Variants in MBD3L1 observed in about 807,000 individuals in gnomAD.
The protein encoded by MBD3L1 is methyl-CpG binding domain protein 3 like 1.
For missense variants in MBD3L1, 203 were observed against 230.1 expected (o/e 0.88, Z 0.76); for synonymous variants, 84 against 85.1 (o/e 0.99, Z 0.07).
At chr19:8,838,011 G>T (rs577921175) in intron 1 of MBD3L1, among the ~76,000 whole-genome samples, 5 of 151,946 alleles carry the variant, frequency 3.3e-5, no homozygotes, top group African/African-American at 4.8e-5. Context: ...CACTTTGGGA[G>T]GCCGAGGCGG....
intron 1 of MBD3L1, among the ~76,000 whole-genome samples, chr19:8,840,444 C>CA (rs1267617249): frequency 6.6e-6 from 1 of 152,036 alleles, no homozygotes; most frequent in Non-Finnish European, 1.5e-5. Context: ...GCTGGGACCT[C>CA]AGACATGTAT....
chr19:8,835,796 G>A (rs879601055), intron 1 of MBD3L1, among the ~76,000 whole-genome samples: 2 of 152,126 alleles, frequency 1.3e-5, no homozygotes, highest in Admixed American at 1.3e-4. Flanking sequence ...ACTGATGAAT[G>A]GATAAATAAA....
At chr19:8,835,731 C>A (rs964511178) in intron 1 of MBD3L1, among the ~76,000 whole-genome samples, 1 of 152,162 alleles carries the variant, frequency 6.6e-6, no homozygotes, top group African/African-American at 2.4e-5. Context: ...CATGAATGTT[C>A]ATAGCAGCAT....
intron 1 of MBD3L1, among the ~76,000 whole-genome samples, chr19:8,836,637 G>A (rs975450349): frequency 1.3e-5 from 2 of 151,958 alleles, no homozygotes; most frequent in African/African-American, 2.4e-5. Context: ...GACTGCAGGC[G>A]TGCACCACCA....
At chr19:8,839,054 T>C (rs141333638) in intron 1 of MBD3L1, among the ~76,000 whole-genome samples, 1 of 152,262 alleles carries the variant, frequency 6.6e-6, no homozygotes, top group African/African-American at 2.4e-5. Flanking sequence ...TTTTAAATGA[T>C]TTTTGTTTTT....
intron 1 of MBD3L1, chr19:8,833,363 C>T (rs2044408794): frequency 6.6e-6 from 1 of 152,160 alleles, no homozygotes; most frequent in African/African-American, 2.4e-5. Flanking sequence ...TATAGGAAAA[C>T]TTAAGAATGG....
Position 8,843,281 on chromosome 19 carries a change from G to A in MBD3L1, c.*18G>A, listed in dbSNP as rs2044532341. 1.3e-6 allele frequency: 2 copies of A among 1,511,544 alleles called. No homozygotes were observed. Among genetic ancestry groups the A allele is most frequent in the African/African-American group, 1.4e-5 (1 of 72,270 alleles). 93.6% of individuals were successfully genotyped at this position (1,511,544 alleles called of 1,614,324 possible). ...AACGCTAAGAAAAAAAGGGAAGATA[G>A]TGCAGATGAAATAAAGTGTAATCCT... On this transcript the variant is annotated 3_prime_UTR_variant, in exon 3 of 3. Coordinates refer to ENST00000595891, the MANE Select transcript of MBD3L1 (RefSeq NM_001393532.1).
intron 1 of MBD3L1, among the ~76,000 whole-genome samples, chr19:8,838,896 C>G (rs2145350123): frequency 6.6e-6 from 1 of 152,228 alleles, no homozygotes; most frequent in Admixed American, 6.5e-5. Flanking sequence ...GTTCCTGGGA[C>G]TATGTGCAGA....
At chr19:8,836,621 A>G (rs963303880) in intron 1 of MBD3L1, among the ~76,000 whole-genome samples, 2 of 151,972 alleles carry the variant, frequency 1.3e-5, no homozygotes, top group Non-Finnish European at 2.9e-5. Flanking sequence ...CTTCCCGAGT[A>G]GCTGGGACTG....
Position 8,832,416 on chromosome 19 carries a change from A to C in MBD3L1, c.-213A>C, listed in dbSNP as rs1285834054. ...GTTGGGGGTTCGGCGCTTAGGCGACAGGCGCGGCGGGCGGGAGCGGCGGCC... is the reference window on the plus strand; with the variant it reads ...GTTGGGGGTTCGGCGCTTAGGCGACCGGCGCGGCGGGCGGGAGCGGCGGCC... On this transcript the variant is annotated 5_prime_UTR_variant, in exon 1 of 3. Transcript: ENST00000595891. 1.3e-5 allele frequency: 2 copies of C among 152,988 alleles called. No homozygotes were observed. Among genetic ancestry groups the C allele is most frequent in the Non-Finnish European group, 2.9e-5 (2 of 68,628 alleles). 9.5% of individuals were successfully genotyped at this position (152,988 alleles called of 1,614,324 possible). A position where few individuals can be genotyped will look rare whatever the true frequency, so the allele number is the denominator to read the frequency against.
intron 1 of MBD3L1, among the ~76,000 whole-genome samples, chr19:8,835,048 G>GTTTTTTTTTTT (rs777643019): frequency 7.0e-6 from 1 of 142,220 alleles, no homozygotes. Flanking sequence ...TGAACAAAGA[G>GTTTTTTTTTTT]TTTTTTTTTT....
At chr19:8,840,723 ATATC>A (rs1343808446) in intron 1 of MBD3L1, among the ~76,000 whole-genome samples, 188 bp from the exon 2 acceptor site, 2 of 152,258 alleles carry the variant, frequency 1.3e-5, no homozygotes, top group Non-Finnish European at 2.9e-5. Context: ...GGAGAATTAA[ATATC>A]TATGAGGAAA....
At chr19:8,840,880 T>G (rs1407808372) in intron 1 of MBD3L1, 35 bp from the exon 2 acceptor site, 1 of 152,190 alleles carries the variant, frequency 6.6e-6, no homozygotes, top group Non-Finnish European at 1.5e-5. Context: ...ATAGTGGCAC[T>G]AAGACGTCAT....
At chr19:8,832,940 C>G (rs898452091) in intron 1 of MBD3L1, 1 of 146,426 alleles carries the variant, frequency 6.8e-6, no homozygotes, top group African/African-American at 2.6e-5. Flanking sequence ...TGGTGATTGG[C>G]AGAGAGCAGT....
At chr19:8,837,300 G>A (rs905126567) in intron 1 of MBD3L1, among the ~76,000 whole-genome samples, 2 of 152,178 alleles carry the variant, frequency 1.3e-5, no homozygotes, top group African/African-American at 4.8e-5. Flanking sequence ...TATTTAATAT[G>A]ACAGAAGATT....
chr19:8,832,708 G>A (rs988795074), intron 1 of MBD3L1, among the ~76,000 whole-genome samples, 186 bp downstream of exon 1: 7 of 151,856 alleles, frequency 4.6e-5, no homozygotes, highest in African/African-American at 1.7e-4. Flanking sequence ...TGTGGGTGGG[G>A]CCCAGTTCTC....
At chr19:8,839,212 T>C (rs1320175046) in intron 1 of MBD3L1, among the ~76,000 whole-genome samples, 1 of 128,716 alleles carries the variant, frequency 7.8e-6, no homozygotes, top group Non-Finnish European at 1.6e-5. Context: ...TGAGACAGAG[T>C]CTCGCACTGT....
chr19:8,840,418 C>T (rs764535279), intron 1 of MBD3L1, among the ~76,000 whole-genome samples: 4 of 152,136 alleles, frequency 2.6e-5, no homozygotes, highest in East Asian at 1.9e-4. Context: ...CCTCTTCACT[C>T]GGCCTCCCTC....
chr19:8,839,129 A>C (rs564478976), intron 1 of MBD3L1, among the ~76,000 whole-genome samples: 2 of 151,802 alleles, frequency 1.3e-5, no homozygotes, highest in African/African-American at 2.4e-5. Flanking sequence ...TTGCGAGTTG[A>C]ATGTTATCAG....
Sources: allele counts gnomAD v4.1 joint callset (sites outside exome capture counted in the v4.1 genomes callset), GRCh38; gene constraint gnomAD v4.1.1; transcripts MANE v1.5; gene names NCBI Gene and HGNC (gene_info 2026-07-23, HGNC 2026-07-21).